Variants in SPTA1 observed in about 807,000 individuals in gnomAD.
SPTA1 encodes spectrin alpha, erythrocytic 1, also known as spectrin alpha chain, erythrocytic 1.
Under a neutral mutation model 324.7 loss-of-function variants are expected in SPTA1, and 177 were observed. The observed-to-expected ratio is 0.55, with a 90% CI of 0.48 to 0.62. SPTA1 has a LOEUF of 0.62. Among genes scored for constraint, SPTA1 ranks in the 20% least tolerant of loss-of-function variants. SPTA1 has a pLI of 0.00. For synonymous variants in SPTA1, 1,195 were observed against 1,041.3 expected, an observed-to-expected ratio of 1.15 and a Z score of -2.84; for missense variants, 3,162 against 2,883.6, an observed-to-expected ratio of 1.10 and a Z score of -2.21.
rs199927411 is a variant in SPTA1, at chr1:158,683,380, T to C, written c.381A>G (p.Glu127=). ...GGGCCCATACATATACCTTCGTTTC[T>C]TCGTGGGCAGAATGACCCATGGTAA... The part of the protein sequence containing the change: ...ERFTMGHSAH[E]ETKAHIEELR... Residue 127 remains glutamate (E), a synonymous_variant, in exon 3 of 52, where the codon GAA becomes GAG. Transcript: ENST00000643759. 22 of 1,613,320 alleles carry C rather than the reference T, an allele frequency of 1.4e-5. No individual in the cohort carries two copies. In the Admixed American group the frequency reaches 3.3e-4, roughly 24 times the overall value.
At chr1:158,614,602 T>C in intron 48 of SPTA1, 1 of 324,104 alleles carries the variant, frequency 3.1e-6, no homozygotes, top group East Asian at 6.1e-5. Context: ...ATATAAAGCT[T>C]TATTGGAACA....
At chr1:158,664,517 G>T (rs147289438) in intron 16 of SPTA1, among the ~76,000 whole-genome samples, 1 of 152,060 alleles carries the variant, frequency 6.6e-6, no homozygotes. Flanking sequence ...ATCACACACC[G>T]GGGCCTGTCG....
At chr1:158,649,771 A>T in intron 25 of SPTA1, 85 bp downstream of exon 25, 1 of 1,130,424 alleles carries the variant, frequency 8.8e-7, no homozygotes, top group Non-Finnish European at 1.3e-6. Context: ...AAAAGATTAT[A>T]CTATGGTTCC....
At chr1:158,680,482 C>A in intron 5 of SPTA1, 101 bp downstream of exon 5, 1 of 1,545,896 alleles carries the variant, frequency 6.5e-7, no homozygotes, top group Non-Finnish European at 8.9e-7. Flanking sequence ...TCTGTTTTCT[C>A]ACAATGCCCC....
At chr1:158,635,376 G>A (rs571826152) in intron 38 of SPTA1, among the ~76,000 whole-genome samples, 1 of 149,968 alleles carries the variant, frequency 6.7e-6, no homozygotes, top group Non-Finnish European at 1.5e-5. Flanking sequence ...TGCCATGATT[G>A]TAAGTTTCCT....
In SPTA1 at chr1:158,681,558, C is replaced by T; in HGVS notation, c.500G>A (p.Cys167Tyr). 2 of 1,613,784 alleles carry T rather than the reference C, an allele frequency of 1.2e-6. No individual in the cohort carries two copies. Among genetic ancestry groups the T allele is most frequent in the Non-Finnish European group, 1.7e-6 (2 of 1,179,750 alleles). The change falls in exon 4 of 52, where the codon TGT becomes TAT. Residue 167 changes from cysteine to tyrosine, a missense_variant. Transcript: ENST00000643759. ...ALKFQQYVQE[C>Y]ADILEWIGDK... ...TCCAATCCACTCTAAGATGTCAGCACACTCCTGTACATACTGCTGGAACTT... is the reference window on the plus strand; with the variant it reads ...TCCAATCCACTCTAAGATGTCAGCATACTCCTGTACATACTGCTGGAACTT...
chr1:158,644,499 G>A (rs1361939650), intron 29 of SPTA1, 103 bp from the exon 30 acceptor site: 1 of 1,358,520 alleles, frequency 7.4e-7, no homozygotes, highest in Non-Finnish European at 1.0e-6. Context: ...TTTGCAAGGA[G>A]TACTTACCAT....
At chr1:158,646,721 A>G (rs1248433611) in intron 27 of SPTA1, among the ~76,000 whole-genome samples, 1 of 152,108 alleles carries the variant, frequency 6.6e-6, no homozygotes, top group Non-Finnish European at 1.5e-5. Flanking sequence ...CCAGTGCTGA[A>G]CTGGGGAGGG....
Position 158,659,595 on chromosome 1 carries a change from A to ATTTTTTTTTTTTTTTTTTTTT in SPTA1, c.2587+1671_2587+1691dup, listed in dbSNP as rs1177353050. 8.0e-4 allele frequency among the ~76,000 whole-genome samples: 55 copies of ATTTTTTTTTTTTTTTTTTTTT among 68,778 alleles called. 7 individuals carry two copies. The highest frequency in any genetic ancestry group is 1.3e-3 in the Non-Finnish European group (40 of 30,034). 45.1% of individuals were successfully genotyped at this position (68,778 alleles called of 152,430 possible). Reference sequence around the variant, plus strand: ...AAAAGAAAATAATAGTCTTAGCATTATTTTTTTTTTTTTTTTTTTTTTTTT... The same window carrying ATTTTTTTTTTTTTTTTTTTTT: ...AAAAGAAAATAATAGTCTTAGCATTATTTTTTTTTTTTTTTTTTTTTTTTTTTTTTTTTTTTTTTTTTTTTT... On this transcript the variant is annotated intron_variant, in intron 18 of 51. Coordinates refer to ENST00000643759, the MANE Select transcript of SPTA1 (RefSeq NM_003126.4).
Position 158,645,610 on chromosome 1 carries a change from C to T in SPTA1, c.3897-16G>A. ...CTGCAGATCCCTAGATAAACAGACACATTGGAATTGACAAGAAAACCTTGC... is the reference window on the plus strand; with the variant it reads ...CTGCAGATCCCTAGATAAACAGACATATTGGAATTGACAAGAAAACCTTGC... On this transcript the variant is annotated splice_polypyrimidine_tract_variant and intron_variant, in intron 27 of 51. Transcript: ENST00000643759. 6.2e-7 allele frequency: 1 copy of T among 1,613,448 alleles called. No individual in the cohort carries two copies. The highest frequency in any genetic ancestry group is 1.1e-5 in the South Asian group (1 of 91,078).
At chr1:158,632,688 A>C (rs1650768850) in intron 39 of SPTA1, among the ~76,000 whole-genome samples, 1 of 152,198 alleles carries the variant, frequency 6.6e-6, no homozygotes. Flanking sequence ...GGAAACTGCA[A>C]ACTGCATCAT....
At chr1:158,673,607 A>C (rs1393692990) in intron 10 of SPTA1, among the ~76,000 whole-genome samples, 1 of 152,230 alleles carries the variant, frequency 6.6e-6, no homozygotes, top group African/African-American at 2.4e-5. Context: ...CACAGATGTC[A>C]ACCATGTCAG....
Position 158,671,324 on chromosome 1 carries a change from A to G in SPTA1, c.1599+19T>C, listed in dbSNP as rs1357091732. ...ATACAGAGAGGGAGCCAATGCCCAAACTAGGGCCAATTTCTTACTATGATC... is the reference window on the plus strand; with the variant it reads ...ATACAGAGAGGGAGCCAATGCCCAAGCTAGGGCCAATTTCTTACTATGATC... On this transcript the variant is annotated intron_variant, in intron 12 of 51. Coordinates refer to ENST00000643759, the MANE Select transcript of SPTA1 (RefSeq NM_003126.4). 2.5e-6 allele frequency: 4 copies of G among 1,603,460 alleles called. No homozygotes were observed. The African/African-American group carries it at 4.0e-5, about 16-fold the overall frequency.
At chr1:158,648,745 T>C (rs1652188696) in intron 25 of SPTA1, 92 bp from the exon 26 acceptor site, 1 of 1,385,036 alleles carries the variant, frequency 7.2e-7, no homozygotes, top group African/African-American at 1.4e-5. Context: ...TCACTACCAC[T>C]CACCATCCTC....
chr1:158,615,261 A>G lies in SPTA1; in HGVS notation c.6743T>C (p.Leu2248Pro). The G allele has an allele frequency of 6.2e-7, 1 of 1,613,850 alleles. No homozygotes were observed. The highest frequency in any genetic ancestry group is 8.5e-7 in the Non-Finnish European group (1 of 1,180,004). Reference protein sequence around the residue: ...LAQQWDQLYQLGLRMQHNLEQ... With the variant: ...LAQQWDQLYQPGLRMQHNLEQ... ...CAGGTTGTGTTGCATCCGCAACCCA[A>G]GCTGGTAGAGCTGGTCCCACTGCTG... is the stretch of plus-strand genomic sequence containing the variant. The change falls in exon 48 of 52, where the codon CTT (leucine) becomes CCT (proline). Residue 2248 changes from leucine to proline, a missense_variant. Physicochemically the swap from Leu to Pro is moderately conservative, Grantham distance 98. Coordinates refer to ENST00000643759, the MANE Select transcript of SPTA1 (RefSeq NM_003126.4).
At chr1:158,619,959 T>C (rs1649802666) in intron 44 of SPTA1, among the ~76,000 whole-genome samples, 1 of 152,156 alleles carries the variant, frequency 6.6e-6, no homozygotes, top group Non-Finnish European at 1.5e-5. Flanking sequence ...TGTTCAATAC[T>C]CAAAAACAGG....
chr1:158,682,987 A>G (rs1032907946), intron 3 of SPTA1, among the ~76,000 whole-genome samples: 5 of 152,166 alleles, frequency 3.3e-5, no homozygotes, highest in African/African-American at 1.2e-4. Flanking sequence ...AAACATTCAA[A>G]TGAGAGAGCA....
intron 7 of SPTA1, among the ~76,000 whole-genome samples, chr1:158,677,084 C>T (rs1195733319): frequency 3.9e-5 from 6 of 152,106 alleles, no homozygotes; most frequent in African/African-American, 1.2e-4. Context: ...CCCCTGTGCA[C>T]TCTCAGTAGT....
Position 158,648,566 on chromosome 1 carries a change from C to T in SPTA1, c.3657G>A (p.Gln1219=). The T allele has an allele frequency of 6.2e-7, 1 of 1,614,030 alleles. No homozygotes were observed. Among genetic ancestry groups the T allele is most frequent in the Non-Finnish European group, 8.5e-7 (1 of 1,179,980 alleles). ...ADPGSDLFSV[Q]ALQRRHEGFE... ...AGCCCTCATGCCGTCGCTGAAGAGC[C>T]TGAACACTGAACAGATCTGAGCCAG... The change falls in exon 26 of 52, where the codon CAG becomes CAA. Residue 1219 remains glutamine, a synonymous_variant. Coordinates refer to ENST00000643759, the MANE Select transcript of SPTA1 (RefSeq NM_003126.4).
Sources: gnomAD v4.1 joint callset for allele counts (sites outside exome capture counted in the v4.1 genomes callset) on GRCh38, gnomAD v4.1.1 for gene constraint, MANE v1.5 for transcripts, NCBI Gene and HGNC (gene_info 2026-07-23, HGNC 2026-07-21) for gene names.